Variants in HKDC1 observed in about 807,000 individuals in gnomAD.
HKDC1 encodes hexokinase domain containing 1.
Under a neutral mutation model 96.6 loss-of-function variants are expected in HKDC1, and 66 were observed. The ratio of observed to expected loss-of-function variants is 0.68; its 90% CI spans 0.56 to 0.84. HKDC1 has a LOEUF of 0.84. Ranked by LOEUF, HKDC1 falls within the 40% of genes least tolerant of loss-of-function variation. The pLI is 0.00. For synonymous variants in HKDC1, 466 were observed against 473.1 expected (o/e 0.98, Z 0.20); for missense variants, 1,211 against 1,208.1 (o/e 1.00, Z -0.04).
intron 4 of HKDC1, among the ~76,000 whole-genome samples, chr10:69,237,266 G>C (rs1843375198): frequency 7.0e-6 from 1 of 143,256 alleles, no homozygotes; most frequent in Non-Finnish European, 1.5e-5. Context: ...CTTAACCAAA[G>C]AGAAATTTCT....
Position 69,232,055 on chromosome 10 carries a change from C to T in HKDC1, c.227-709C>T, listed in dbSNP as rs151296857. Among the ~76,000 whole-genome samples, 7 of 152,322 alleles carry T rather than the reference C, an allele frequency of 4.6e-5. No individual in the cohort carries two copies. In the East Asian group the frequency reaches 1.3e-3, roughly 29 times the overall value. On this transcript the variant is annotated intron_variant, in intron 2 of 17. Transcript: ENST00000354624. ...CAGCAACATCACCAAGTTGGCCAGGCTGTTCTTGAACTGCTGACCTCAGGT... is the reference window on the plus strand; with the variant it reads ...CAGCAACATCACCAAGTTGGCCAGGTTGTTCTTGAACTGCTGACCTCAGGT...
intron 9 of HKDC1, among the ~76,000 whole-genome samples, chr10:69,248,151 C>T (rs1409124854): frequency 1.3e-5 from 2 of 152,160 alleles, no homozygotes; most frequent in Non-Finnish European, 2.9e-5. Context: ...TCTCTTTGGA[C>T]AGAAATGATG....
chr10:69,222,978 G>A (rs770690212), intron 1 of HKDC1: 2 of 152,056 alleles, frequency 1.3e-5, no homozygotes, highest in African/African-American at 2.4e-5. Context: ...CTGGGCCAGC[G>A]GTGCCTGCAA....
At position 69,253,637 on chromosome 10, in the gene HKDC1, G is replaced by A. The variant is rs139407641; in HGVS notation, c.1836+2985G>A. 9.8e-4 allele frequency among the ~76,000 whole-genome samples: 149 copies of A among 152,292 alleles called. 1 individual carries two copies. The highest frequency in any genetic ancestry group is 3.3e-3 in the African/African-American group (139 of 41,570). On this transcript the variant is annotated intron_variant, in intron 12 of 17. Coordinates refer to ENST00000354624, the MANE Select transcript of HKDC1 (RefSeq NM_025130.4). ...TCGTGTGTGTAAAATGCATAGCGTG[G>A]GTCTAGCACCTGGCAGGCACTCAAA...
chr10:69,239,409 C>T (rs768108812), intron 5 of HKDC1, among the ~76,000 whole-genome samples: 1 of 152,202 alleles, frequency 6.6e-6, no homozygotes, highest in Admixed American at 6.5e-5. Context: ...CAGCCCTCTC[C>T]GGAGGTCTTG....
At chr10:69,252,973 CGTGTGTGTGTGTGT>C (rs57083436) in intron 12 of HKDC1, among the ~76,000 whole-genome samples, 49 of 140,268 alleles carry the variant, frequency 3.5e-4, no homozygotes, top group South Asian at 1.2e-3. Flanking sequence ...CATCTCTAAA[CGTGTGTGTGTGTGT>C]GTGTGTGTGT....
intron 1 of HKDC1, among the ~76,000 whole-genome samples, chr10:69,223,689 G>A (rs757535087): frequency 1.4e-4 from 21 of 146,406 alleles, no homozygotes; most frequent in Non-Finnish European, 2.8e-4. Context: ...GGGCTCAAGC[G>A]ATTCTCCTGC....
rs1235949170 is a variant in HKDC1 at position 69,220,359 on chromosome 10, G to A, written c.-77G>A. ...GTCTGCCAGCCTGGACTGGAAGCGT[G>A]CAACACTCCAGAGTCGTAGGAGTGA... On this transcript the variant is annotated 5_prime_UTR_variant, in exon 1 of 18. Coordinates refer to ENST00000354624, the MANE Select transcript of HKDC1 (RefSeq NM_025130.4). 5 of 1,146,840 alleles carry A rather than the reference G, an allele frequency of 4.4e-6. No individual in the cohort carries two copies. Among genetic ancestry groups the A allele is most frequent in the Non-Finnish European group, 6.1e-6 (5 of 818,078 alleles). The allele number at this position is 1,146,840 out of a possible 1,614,324, so 71.0% of individuals were successfully genotyped here. A position where few individuals can be genotyped will look rare whatever the true frequency, so the allele number is the denominator to read the frequency against.
At chr10:69,256,862 G>A (rs1265323296) in intron 12 of HKDC1, among the ~76,000 whole-genome samples, 174 bp from the exon 13 acceptor site, 1 of 152,182 alleles carries the variant, frequency 6.6e-6, no homozygotes, top group Non-Finnish European at 1.5e-5. Context: ...TCTGAGTGTT[G>A]TGCTCTGTGA....
intron 12 of HKDC1, among the ~76,000 whole-genome samples, chr10:69,255,734 T>C (rs1241126004): frequency 1.3e-5 from 2 of 151,980 alleles, no homozygotes; most frequent in African/African-American, 4.8e-5. Context: ...CTGGCCAACA[T>C]GATGAAACCT....
chr10:69,256,773 G>A (rs117165364), intron 12 of HKDC1, among the ~76,000 whole-genome samples: 3,519 of 152,050 alleles, frequency 0.023, 66 homozygotes, highest in Non-Finnish European at 0.034. Context: ...TTTATTCCGC[G>A]TAATCATGGC....
chr10:69,265,708 C>T lies in HKDC1; in HGVS notation c.2496C>T (p.Leu832=). The change falls in exon 17 of 18, where the codon CTC becomes CTT. Residue 832 remains leucine, a synonymous_variant. Coordinates refer to ENST00000354624, the MANE Select transcript of HKDC1 (RefSeq NM_025130.4). Reference sequence around the variant, plus strand: ...CCGTGTCCCGGCGGGCGGCCCAGCTCTGCGGTGCTGGCCTGGCCGCTATAG... The same window carrying T: ...CCGTGTCCCGGCGGGCGGCCCAGCTTTGCGGTGCTGGCCTGGCCGCTATAG... ...CGAVSRRAAQ[L]CGAGLAAIVE... is the part of the protein sequence containing the mutation. 2.5e-6 allele frequency: 4 copies of T among 1,613,484 alleles called. No individual in the cohort carries two copies. Among genetic ancestry groups the T allele is most frequent in the Non-Finnish European group, 3.4e-6 (4 of 1,179,878 alleles).
intron 17 of HKDC1, among the ~76,000 whole-genome samples, 184 bp downstream of exon 17, chr10:69,266,002 T>TG (rs1240860516): frequency 6.6e-6 from 1 of 152,176 alleles, no homozygotes; most frequent in Non-Finnish European, 1.5e-5. Flanking sequence ...CTGGTGCCTC[T>TG]GCTACCTGGT....
intron 9 of HKDC1, 95 bp from the exon 10 acceptor site, chr10:69,248,329 G>A (rs1843576559): frequency 7.6e-7 from 1 of 1,308,148 alleles, no homozygotes; most frequent in Non-Finnish European, 1.0e-6. Flanking sequence ...CCGCCCCGCA[G>A]GGCCCTCCGG....
In HKDC1 at chr10:69,258,787, A is replaced by G; in HGVS notation, c.2044A>G (p.Asn682Asp). ...EIGLIAGTGS[N>D]MCYMEDMRNI... is the part of the protein sequence containing the mutation. ...ACAATTCCTTCTAGGAACAGGCAGC[A>G]ACATGTGCTACATGGAGGACATGAG... The change falls in exon 15 of 18, where the codon AAC (asparagine) becomes GAC (aspartate). Residue 682 changes from asparagine to aspartate, a missense_variant. Coordinates refer to ENST00000354624, the MANE Select transcript of HKDC1 (RefSeq NM_025130.4). The G allele has an allele frequency of 1.2e-6, 2 of 1,614,170 alleles. No homozygotes were observed. The highest frequency in any genetic ancestry group is 8.5e-7 in the Non-Finnish European group (1 of 1,180,000).
intron 5 of HKDC1, among the ~76,000 whole-genome samples, chr10:69,239,489 CG>C (rs1449834532): frequency 6.6e-6 from 1 of 152,202 alleles, no homozygotes; most frequent in Non-Finnish European, 1.5e-5. Context: ...ATATACTTTC[CG>C]GGCTGGTTCC....
At chr10:69,252,964 ATCTCTAAACGTGTG>A (rs1454899590) in intron 12 of HKDC1, among the ~76,000 whole-genome samples, 1 of 145,568 alleles carries the variant, frequency 6.9e-6, no homozygotes, top group African/African-American at 2.6e-5. Context: ...GCAAGACCCC[ATCTCTAAACGTGTG>A]TGTGTGTGTG....
chr10:69,247,666 A>G lies in HKDC1; in HGVS notation c.1265+73A>G, dbSNP rs1843564374. On this transcript the variant is annotated intron_variant, in intron 9 of 17. Transcript: ENST00000354624. ...GCAGGGCCCCAGTGTCTTCTGGACT[A>G]TCCTGCCTATCTGGGGTCTGGAACC... 4 of 1,183,768 alleles carry G rather than the reference A, an allele frequency of 3.4e-6. No individual in the cohort carries two copies. The South Asian group carries it at 5.5e-5, about 16-fold the overall frequency. 73.3% of individuals were successfully genotyped at this position (1,183,768 alleles called of 1,614,324 possible).
intron 12 of HKDC1, among the ~76,000 whole-genome samples, chr10:69,255,916 CA>C (rs33969502): frequency 0.34 from 47,985 of 140,054 alleles, 7,668 homozygotes; most frequent in South Asian, 0.49. Flanking sequence ...GAATCTGTGT[CA>C]AAAAAAAAAA....
Sources: allele counts gnomAD v4.1 joint callset (sites outside exome capture counted in the v4.1 genomes callset), GRCh38; gene constraint gnomAD v4.1.1; transcripts MANE v1.5; gene names NCBI Gene and HGNC (gene_info 2026-07-23, HGNC 2026-07-21).